Variants in ZDHHC14 observed in about 807,000 individuals in gnomAD.
The protein encoded by ZDHHC14 is palmitoyltransferase ZDHHC14.
Under a neutral mutation model 47.7 loss-of-function variants are expected in ZDHHC14, and 16 were observed. That is an observed-to-expected ratio of 0.34 (90% CI 0.23 to 0.51). The LOEUF is 0.51. ZDHHC14 is among the 20% of genes least tolerant of loss of function. ZDHHC14 has a pLI of 0.97. For synonymous variants in ZDHHC14, 293 were observed against 278.9 expected, an observed-to-expected ratio of 1.05 and a Z score of -0.50; for missense variants, 515 against 662.5, an observed-to-expected ratio of 0.78 and a Z score of 2.44.
At chr6:157,382,863 C>T (rs551580711) in intron 1 of ZDHHC14, among the ~76,000 whole-genome samples, 1 of 152,288 alleles carries the variant, frequency 6.6e-6, no homozygotes, top group East Asian at 1.9e-4. Flanking sequence ...TCTGGATTAA[C>T]AATTTCTTAT....
chr6:157,643,978 T>G (rs969780195), intron 5 of ZDHHC14, among the ~76,000 whole-genome samples: 1 of 152,272 alleles, frequency 6.6e-6, no homozygotes, highest in East Asian at 1.9e-4. Flanking sequence ...GTTCTGTTCT[T>G]GATTCTTTTC....
intron 8 of ZDHHC14, among the ~76,000 whole-genome samples, chr6:157,670,641 C>G (rs143131834): frequency 1.3e-5 from 2 of 152,220 alleles, no homozygotes; most frequent in East Asian, 3.9e-4. Flanking sequence ...CCAAATAACC[C>G]TACTCCCCTC....
At chr6:157,541,715 G>T (rs1781772170) in intron 1 of ZDHHC14, among the ~76,000 whole-genome samples, 1 of 152,170 alleles carries the variant, frequency 6.6e-6, no homozygotes, top group East Asian at 1.9e-4. Context: ...GCATCAAGGG[G>T]CCACGGTAAG....
chr6:157,456,869 C>T (rs753974561), intron 1 of ZDHHC14, among the ~76,000 whole-genome samples: 4 of 151,992 alleles, frequency 2.6e-5, no homozygotes, highest in African/African-American at 4.8e-5. Context: ...AGTTGTGGGC[C>T]GGGCGTGGTG....
intron 1 of ZDHHC14, among the ~76,000 whole-genome samples, chr6:157,443,250 T>C (rs1402358884): frequency 1.3e-5 from 2 of 152,202 alleles, no homozygotes; most frequent in African/African-American, 4.8e-5. Flanking sequence ...TCCACCATGA[T>C]TGTAAGTTTC....
At chr6:157,507,946 T>C (rs936044642) in intron 1 of ZDHHC14, among the ~76,000 whole-genome samples, 2 of 152,242 alleles carry the variant, frequency 1.3e-5, no homozygotes, top group Non-Finnish European at 2.9e-5. Flanking sequence ...TATTTCAATC[T>C]TACACTTGAT....
intron 5 of ZDHHC14, among the ~76,000 whole-genome samples, chr6:157,636,025 C>A (rs963208679): frequency 6.6e-6 from 1 of 152,140 alleles, no homozygotes; most frequent in Non-Finnish European, 1.5e-5. Context: ...TTCCCGGCAC[C>A]TCCTCCACAC....
intron 1 of ZDHHC14, among the ~76,000 whole-genome samples, chr6:157,479,550 C>T (rs991975488): frequency 6.6e-6 from 1 of 152,194 alleles, no homozygotes; most frequent in African/African-American, 2.4e-5. Context: ...GCAGGCTTTT[C>T]CACAGGAACA....
chr6:157,557,412 T>A (rs1171222719), intron 2 of ZDHHC14, among the ~76,000 whole-genome samples: 2 of 152,198 alleles, frequency 1.3e-5, no homozygotes, highest in Non-Finnish European at 2.9e-5. Flanking sequence ...ACTTGACTTT[T>A]GCCATGTTAG....
chr6:157,524,671 C>T lies in ZDHHC14; in HGVS notation c.246-17914C>T, dbSNP rs576506572. Among the ~76,000 whole-genome samples the T allele has an allele frequency of 4.6e-5, 7 of 152,306 alleles. No individual in the cohort carries two copies. In the South Asian group the frequency reaches 8.3e-4, roughly 18 times the overall value. The stretch of plus-strand genomic sequence containing the variant: ...GCAGTGACCCAAGCTTCAGTTAATC[C>T]GTGACGGAGCCTTAACTAATAATTT... On this transcript the variant is annotated intron_variant, in intron 1 of 8. Transcript: ENST00000359775.
At chr6:157,576,853 G>T (rs1054751282) in intron 2 of ZDHHC14, among the ~76,000 whole-genome samples, 3 of 152,176 alleles carry the variant, frequency 2.0e-5, no homozygotes, top group African/African-American at 4.8e-5. Flanking sequence ...CGAATCCTTC[G>T]GTAAGGAAAG....
intron 2 of ZDHHC14, chr6:157,592,759 T>G (rs1001952483): frequency 1.5e-6 from 2 of 1,322,912 alleles, no homozygotes; most frequent in African/African-American, 3.0e-5. Flanking sequence ...TGTGCTGTGC[T>G]CCATTGGCCA....
At chr6:157,490,411 A>G (rs1374756317) in intron 1 of ZDHHC14, among the ~76,000 whole-genome samples, 1 of 152,232 alleles carries the variant, frequency 6.6e-6, no homozygotes, top group African/African-American at 2.4e-5. Flanking sequence ...CCGGGTCAGC[A>G]GGCAATGAAG....
intron 1 of ZDHHC14, among the ~76,000 whole-genome samples, chr6:157,403,278 C>G (rs1777681063): frequency 6.6e-6 from 1 of 152,170 alleles, no homozygotes; most frequent in South Asian, 2.1e-4. Context: ...TGTCATGCTC[C>G]ACAAGCTGGA....
At chr6:157,477,316 G>A (rs1779517197) in intron 1 of ZDHHC14, among the ~76,000 whole-genome samples, 1 of 152,220 alleles carries the variant, frequency 6.6e-6, no homozygotes, top group South Asian at 2.1e-4. Context: ...GGAGGCAGAG[G>A]TTGCAGTGAG....
In ZDHHC14 at chr6:157,674,162, A is replaced by T. The variant is rs1778928684; in HGVS notation, c.*1040A>T. On this transcript the variant is annotated 3_prime_UTR_variant, in exon 9 of 9. Coordinates refer to ENST00000359775, the MANE Select transcript of ZDHHC14 (RefSeq NM_024630.3). The stretch of plus-strand genomic sequence containing the variant: ...CTCTTTTTGACACCATCTTAGTGGA[A>T]TTTGCTCTACGTTTGCAGTTTGCCG... 6.6e-6 allele frequency: 1 copy of T among 152,136 alleles called. No individual in the cohort carries two copies. 9.4% of individuals were successfully genotyped at this position (152,136 alleles called of 1,614,324 possible). A position where few individuals can be genotyped will look rare whatever the true frequency, so the allele number is the denominator to read the frequency against.
rs1459256801 is a variant in ZDHHC14 at position 157,675,589 on chromosome 6, T to C, written c.*2467T>C. The C allele has an allele frequency of 6.6e-6, 1 of 152,234 alleles. No individual in the cohort carries two copies. The highest frequency in any genetic ancestry group is 6.5e-5 in the Admixed American group (1 of 15,290). 9.4% of individuals were successfully genotyped at this position (152,234 alleles called of 1,614,324 possible). ...AAAACCAGAGAGAAGCCCACAGCCC[T>C]GTCCTCTGTGGCTTGAAAAAGAAAC... On this transcript the variant is annotated 3_prime_UTR_variant, in exon 9 of 9. Transcript: ENST00000359775.
rs1780212995 is a variant in ZDHHC14 at position 157,502,374 on chromosome 6, G to A, written c.246-40211G>A. Among the ~76,000 whole-genome samples the A allele has an allele frequency of 1.3e-5, 2 of 152,202 alleles. No individual in the cohort carries two copies. Among genetic ancestry groups the A allele is most frequent in the Admixed American group, 6.5e-5 (1 of 15,284 alleles). ...AGAGAGTGGATGACAGAGCAGTCAG[G>A]CAGTAGCTGTGGGAGCAGTAGTCAG... is the stretch of plus-strand genomic sequence containing the variant. On this transcript the variant is annotated intron_variant, in intron 1 of 8. Coordinates refer to ENST00000359775, the MANE Select transcript of ZDHHC14 (RefSeq NM_024630.3). The surrounding 1 kb of genome is among the most constrained non-coding windows in gnomAD (Gnocchi z 4.0).
At chr6:157,571,298 T>C (rs1475232206) in intron 2 of ZDHHC14, among the ~76,000 whole-genome samples, 1 of 152,206 alleles carries the variant, frequency 6.6e-6, no homozygotes, top group East Asian at 1.9e-4. Flanking sequence ...CCACAGCTAT[T>C]GTCTGTCATG....
Sources: gnomAD v4.1 joint callset for allele counts (sites outside exome capture counted in the v4.1 genomes callset) on GRCh38, gnomAD v4.1.1 for gene constraint, Gnocchi (gnomAD v3.1) non-coding constraint, MANE v1.5 for transcripts, NCBI Gene and HGNC (gene_info 2026-07-23, HGNC 2026-07-21) for gene names.